CDK14: variants seen among roughly 807,000 people sequenced by gnomAD.
CDK14 encodes cyclin-dependent kinase 14.
CDK14 carries 34 observed loss-of-function variants against 60.7 expected under a neutral mutation model. The ratio of observed to expected loss-of-function variants is 0.56; its 90% CI spans 0.43 to 0.75. The LOEUF is 0.75. Ranked by LOEUF, CDK14 falls within the 30% of genes least tolerant of loss-of-function variation. The probability of loss-of-function intolerance (pLI) is 0.00; values close to 1 mark genes in which losing one functional copy is unlikely to be tolerated. For missense variants in CDK14, 482 were observed against 564.1 expected (o/e 0.85, Z 1.47); for synonymous variants, 197 against 203.7 (o/e 0.97, Z 0.28).
intron 2 of CDK14, among the ~76,000 whole-genome samples, chr7:90,651,177 C>T (rs1800630313): frequency 1.3e-5 from 2 of 152,104 alleles, no homozygotes; most frequent in African/African-American, 4.8e-5. Context: ...CTTCACATCC[C>T]TTGTAAGTTG....
chr7:91,129,571 G>A (rs1562917078), intron 14 of CDK14, among the ~76,000 whole-genome samples: 1 of 152,048 alleles, frequency 6.6e-6, no homozygotes, highest in Non-Finnish European at 1.5e-5. Flanking sequence ...CCAGGCATAT[G>A]GTTTTTACTT....
At chr7:90,739,335 A>G (rs1250734876) in intron 3 of CDK14, among the ~76,000 whole-genome samples, 3 of 152,204 alleles carry the variant, frequency 2.0e-5, no homozygotes, top group Non-Finnish European at 2.9e-5. Context: ...AAACCCAGTT[A>G]GTTAGATAGA....
intron 2 of CDK14, among the ~76,000 whole-genome samples, chr7:90,663,358 A>G (rs921897958): frequency 3.3e-5 from 5 of 152,200 alleles, no homozygotes; most frequent in Non-Finnish European, 5.9e-5. Context: ...GGTGTCGTAG[A>G]TACTTAGTAA....
At chr7:90,604,327 C>A in intron 2 of CDK14, 78 bp downstream of exon 2, 1 of 764,162 alleles carries the variant, frequency 1.3e-6, no homozygotes, top group South Asian at 2.2e-5. Context: ...AACTTTGTAC[C>A]TGGAAACAAA....
intron 8 of CDK14, among the ~76,000 whole-genome samples, chr7:90,939,489 G>C (rs1793851614): frequency 6.6e-6 from 1 of 152,196 alleles, no homozygotes; most frequent in South Asian, 2.1e-4. Context: ...TCGGGTTGCG[G>C]ACAGTAAGTT....
intron 10 of CDK14, among the ~76,000 whole-genome samples, chr7:91,026,571 G>A (rs1255081948): frequency 6.6e-6 from 1 of 152,128 alleles, no homozygotes; most frequent in Non-Finnish European, 1.5e-5. Context: ...TCCATCAAAG[G>A]TCAACATATG....
rs986398607 is a variant in CDK14, at chr7:90,726,251, A to G, written c.124-316A>G. 4.2e-6 allele frequency: 4 copies of G among 954,512 alleles called. No individual in the cohort carries two copies. In the African/African-American group the frequency reaches 7.1e-5, roughly 17 times the overall value. 59.1% of individuals were successfully genotyped at this position (954,512 alleles called of 1,614,324 possible). On this transcript the variant is annotated intron_variant, in intron 2 of 14. Coordinates refer to ENST00000380050, the MANE Select transcript of CDK14 (RefSeq NM_001287135.2). ...CCTCTTAATGATTCAGAAATAAACC[A>G]CTTCCAGTCAGATGGTAAAACGTGT...
intron 6 of CDK14, among the ~76,000 whole-genome samples, chr7:90,872,753 A>G (rs1435196883): frequency 6.6e-6 from 1 of 152,126 alleles, no homozygotes; most frequent in Non-Finnish European, 1.5e-5. Context: ...TTGGTATTTA[A>G]TTCACATGGT....
chr7:90,970,609 C>T (rs970340724), intron 9 of CDK14, among the ~76,000 whole-genome samples: 5 of 152,244 alleles, frequency 3.3e-5, no homozygotes, highest in African/African-American at 1.2e-4. Flanking sequence ...GACATTTAAA[C>T]ATATAATACA....
In CDK14 at chr7:90,747,735, G is replaced by A; in HGVS notation, c.424G>A (p.Gly142Arg). Reference sequence around the variant, plus strand: ...CTCATATGAAAAGCTGGAAAAACTAGGGGAAGGATCTTATGCTACAGTATA... The same window carrying A: ...CTCATATGAAAAGCTGGAAAAACTAAGGGAAGGATCTTATGCTACAGTATA... ...ADSYEKLEKL[G>R]EGSYATVYKG... The change falls in exon 4 of 15, where the codon GGG becomes AGG. Residue 142 changes from glycine (G) to arginine (R), a missense_variant. By Grantham distance (125) the Gly-to-Arg change is moderately radical. Coordinates refer to ENST00000380050, the MANE Select transcript of CDK14 (RefSeq NM_001287135.2). 1.3e-6 allele frequency: 2 copies of A among 1,596,828 alleles called. No individual in the cohort carries two copies. Among genetic ancestry groups the A allele is most frequent in the Non-Finnish European group, 1.7e-6 (2 of 1,174,562 alleles).
At chr7:90,652,856 C>T (rs2116481041) in intron 2 of CDK14, among the ~76,000 whole-genome samples, 1 of 152,270 alleles carries the variant, frequency 6.6e-6, no homozygotes, top group Non-Finnish European at 1.5e-5. Flanking sequence ...TTAGGTTGGC[C>T]TGAGTCTAAT....
chr7:91,179,775 C>T lies in CDK14; in HGVS notation c.*29-27390C>T, dbSNP rs1211466621. On this transcript the variant is annotated intron_variant, in intron 14 of 14. Coordinates refer to ENST00000380050, the MANE Select transcript of CDK14 (RefSeq NM_001287135.2). ...TGGAGATTGCACCACTGCACTCCAGCCTGGGCGACAGAGCGAGACTCCGTC... is the reference window on the plus strand; with the variant it reads ...TGGAGATTGCACCACTGCACTCCAGTCTGGGCGACAGAGCGAGACTCCGTC... Among the ~76,000 whole-genome samples the T allele has an allele frequency of 2.0e-5, 3 of 151,958 alleles. No homozygotes were observed. In the South Asian group the frequency reaches 6.2e-4, roughly 32 times the overall value.
chr7:90,654,472 A>G (rs896465627), intron 2 of CDK14, among the ~76,000 whole-genome samples: 1 of 152,196 alleles, frequency 6.6e-6, no homozygotes, highest in East Asian at 1.9e-4. Flanking sequence ...ATGAAACAAC[A>G]TCAAGGAGAG....
intron 7 of CDK14, among the ~76,000 whole-genome samples, chr7:90,908,560 C>T (rs915285533): frequency 6.7e-6 from 1 of 150,238 alleles, no homozygotes; most frequent in Non-Finnish European, 1.5e-5. Context: ...ACACTCGTCA[C>T]CTTGCCTCTC....
intron 13 of CDK14, among the ~76,000 whole-genome samples, chr7:91,114,348 A>G (rs1799550070): frequency 6.6e-6 from 1 of 152,212 alleles, no homozygotes. Flanking sequence ...ATGCCTACAC[A>G]TTATCACTCG....
chr7:90,742,813 A>T (rs932811432), intron 3 of CDK14, among the ~76,000 whole-genome samples: 2 of 151,832 alleles, frequency 1.3e-5, no homozygotes, highest in East Asian at 1.9e-4. Flanking sequence ...TTCAGCTTTA[A>T]TTTTTTTATT....
intron 14 of CDK14, among the ~76,000 whole-genome samples, chr7:91,152,947 T>G (rs570293043): frequency 2.0e-4 from 31 of 152,196 alleles, no homozygotes; most frequent in Non-Finnish European, 5.9e-5. Flanking sequence ...AAGCCCCAAA[T>G]AGTTTATAGT....
intron 4 of CDK14, among the ~76,000 whole-genome samples, chr7:90,785,350 C>A (rs930284732): frequency 2.6e-5 from 4 of 152,056 alleles, no homozygotes; most frequent in Non-Finnish European, 5.9e-5. Context: ...GAATAGAAGA[C>A]CTTTAGGCTT....
intron 14 of CDK14, among the ~76,000 whole-genome samples, chr7:91,187,314 A>G (rs1182242044): frequency 1.3e-5 from 2 of 152,208 alleles, no homozygotes; most frequent in African/African-American, 2.4e-5. Flanking sequence ...GTGAGGGCAT[A>G]TATCATGGGG....
Sources: allele counts gnomAD v4.1 joint callset (sites outside exome capture counted in the v4.1 genomes callset), GRCh38; gene constraint gnomAD v4.1.1; transcripts MANE v1.5; gene names NCBI Gene and HGNC (gene_info 2026-07-23, HGNC 2026-07-21).